Variants in P2RY12 observed in about 807,000 individuals in gnomAD.
P2RY12 encodes purinergic receptor P2Y12.
In P2RY12, 3 loss-of-function variants were observed where a neutral mutation model predicts 4.5. That is an observed-to-expected ratio of 0.67 (90% confidence interval 0.31 to 1.74). P2RY12 has a LOEUF of 1.74. Among genes scored for constraint, P2RY12 ranks in the 40% most tolerant of loss-of-function variants. P2RY12 has a pLI of 0.09. For missense variants in P2RY12, 356 were observed against 407.8 expected (o/e 0.87, Z 1.09); for synonymous variants, 148 against 154.1 (o/e 0.96, Z 0.29).
chr3:151,347,814 T>A (rs1475337636), intron 1 of P2RY12, among the ~76,000 whole-genome samples: 1 of 152,186 alleles, frequency 6.6e-6, no homozygotes, highest in Non-Finnish European at 1.5e-5. Flanking sequence ...AAGGAAGCGA[T>A]GTTACCCCAT....
Position 151,338,125 on chromosome 3 carries a change from T to C in P2RY12, c.721A>G (p.Ile241Val). The C allele has an allele frequency of 6.2e-7, 1 of 1,614,064 alleles. No homozygotes were observed. Among genetic ancestry groups the C allele is most frequent in the South Asian group, 1.1e-5 (1 of 91,082 alleles). Reference sequence around the variant, plus strand: ...AAACAAATAAAGAATACAGCAATGATAATGAAAACTTTGACGTTCACCTTT... The same window carrying C: ...AAACAAATAAAGAATACAGCAATGACAATGAAAACTTTGACGTTCACCTTT... ...RKKVNVKVFI[I>V]IAVFFICFVP... Residue 241 changes from isoleucine to valine, a missense_variant, in exon 3 of 3, where the codon ATC becomes GTC. Ile to Val is a conservative substitution (Grantham distance 29). Coordinates refer to ENST00000302632, the MANE Select transcript of P2RY12 (RefSeq NM_022788.5).
chr3:151,375,461 C>T (rs1756715886), intron 1 of P2RY12, among the ~76,000 whole-genome samples: 1 of 152,076 alleles, frequency 6.6e-6, no homozygotes, highest in South Asian at 2.1e-4. Context: ...GCATCTATAG[C>T]CCCCCACTCA....
intron 1 of P2RY12, among the ~76,000 whole-genome samples, chr3:151,354,759 C>T (rs1053136315): frequency 1.3e-5 from 2 of 152,132 alleles, no homozygotes; most frequent in Non-Finnish European, 2.9e-5. Flanking sequence ...AAAATTACCT[C>T]AGCAACATGA....
intron 1 of P2RY12, chr3:151,378,139 T>G (rs1278701395): frequency 6.2e-7 from 1 of 1,609,912 alleles, no homozygotes. Context: ...GGGTTCTTCT[T>G]CCAAAAAGGA....
In P2RY12 at chr3:151,337,969, G is replaced by A. The variant is rs755407151; in HGVS notation, c.877C>T (p.Leu293=). The part of the protein sequence containing the change: ...TLWLTSLNAC[L]DPFIYFFLCK... ...AGGAAAAAATAGATGAACGGATCCA[G>A]GCATGCATTTAAGGAAGTTAACCAC... Residue 293 remains leucine, a synonymous_variant, in exon 3 of 3, where the codon CTG becomes TTG. Transcript: ENST00000302632. 6.2e-7 allele frequency: 1 copy of A among 1,614,084 alleles called. No individual in the cohort carries two copies. Among genetic ancestry groups the A allele is most frequent in the Non-Finnish European group, 8.5e-7 (1 of 1,180,010 alleles).
intron 1 of P2RY12, among the ~76,000 whole-genome samples, chr3:151,371,944 T>C (rs1426352435): frequency 6.6e-6 from 1 of 152,200 alleles, no homozygotes; most frequent in Non-Finnish European, 1.5e-5. Context: ...TACTAAAGAT[T>C]TATCAGGTAA....
At chr3:151,362,168 A>G (rs1315953244) in intron 1 of P2RY12, among the ~76,000 whole-genome samples, 1 of 151,952 alleles carries the variant, frequency 6.6e-6, no homozygotes, top group East Asian at 1.9e-4. Flanking sequence ...GGACCATTGC[A>G]GAGTTCTTCT....
At chr3:151,383,268 T>G (rs942974222) in intron 1 of P2RY12, among the ~76,000 whole-genome samples, 1 of 152,206 alleles carries the variant, frequency 6.6e-6, no homozygotes, top group African/African-American at 2.4e-5. Flanking sequence ...GCCTGATACT[T>G]TTGCAGTTGT....
intron 1 of P2RY12, among the ~76,000 whole-genome samples, chr3:151,374,491 T>G (rs1011369958): frequency 6.6e-6 from 1 of 152,150 alleles, no homozygotes; most frequent in Non-Finnish European, 1.5e-5. Flanking sequence ...GAGGTTGCAG[T>G]GAGCCGAGAT....
rs1353598122 is a variant in P2RY12 at position 151,354,206 on chromosome 3, ACTTTTC to A, written c.-179-13452_-179-13447del. Among the ~76,000 whole-genome samples, 8 of 151,344 alleles carry A rather than the reference ACTTTTC, an allele frequency of 5.3e-5. No individual in the cohort carries two copies. The East Asian group carries it at 1.6e-3, about 29-fold the overall frequency. On this transcript the variant is annotated intron_variant, in intron 1 of 2. Transcript: ENST00000302632. ...AATGACATTATCAATCATATATCCA[ACTTTTC>A]CTTTTTGTTTTTAGATTTGTCTTTG...
At chr3:151,344,305 TA>T (rs60921069) in intron 1 of P2RY12, among the ~76,000 whole-genome samples, 1 of 150,842 alleles carries the variant, frequency 6.6e-6, no homozygotes, top group Non-Finnish European at 1.5e-5. Flanking sequence ...TACTAATGAT[TA>T]AAAAAAAACC....
intron 1 of P2RY12, among the ~76,000 whole-genome samples, chr3:151,347,034 G>A (rs139012720): frequency 1.9e-3 from 288 of 152,248 alleles, no homozygotes; most frequent in Admixed American, 2.5e-3. Flanking sequence ...GAAGTCCAGT[G>A]AGATGCACAT....
intron 1 of P2RY12, among the ~76,000 whole-genome samples, chr3:151,358,900 A>G (rs979356407): frequency 6.6e-6 from 1 of 152,190 alleles, no homozygotes; most frequent in Admixed American, 6.5e-5. Flanking sequence ...TTTAGTCACA[A>G]AATAATTTTT....
chr3:151,375,527 A>G (rs1303391083), intron 1 of P2RY12, among the ~76,000 whole-genome samples: 1 of 152,172 alleles, frequency 6.6e-6, no homozygotes, highest in African/African-American at 2.4e-5. Context: ...TTATTGTATA[A>G]AAAAGAGATG....
At chr3:151,342,322 G>A (rs537904093) in intron 1 of P2RY12, among the ~76,000 whole-genome samples, 4 of 152,354 alleles carry the variant, frequency 2.6e-5, no homozygotes, top group African/African-American at 7.2e-5. Flanking sequence ...TCTGTTATCA[G>A]TGGGAATCAT....
chr3:151,378,413 C>A (rs1313266245), intron 1 of P2RY12, among the ~76,000 whole-genome samples: 1 of 152,190 alleles, frequency 6.6e-6, no homozygotes, highest in African/African-American at 2.4e-5. Context: ...CTGTTAAAAA[C>A]AGTGATTTCC....
Position 151,367,741 on chromosome 3 carries a change from C to T in P2RY12, c.-180+16951G>A, listed in dbSNP as rs138505313. The stretch of plus-strand genomic sequence containing the variant: ...CCCTGGAGGACGTCGTGCAGCATGT[C>T]GCACTTCCCTCTCTTCTAGCAGCAG... On this transcript the variant is annotated intron_variant, in intron 1 of 2. Coordinates refer to ENST00000302632, the MANE Select transcript of P2RY12 (RefSeq NM_022788.5). 1.4e-4 allele frequency: 219 copies of T among 1,610,450 alleles called. No individual in the cohort carries two copies. In the African/African-American group the frequency reaches 2.1e-3, roughly 15 times the overall value.
intron 1 of P2RY12, chr3:151,365,266 T>C: frequency 7.2e-7 from 1 of 1,386,392 alleles, no homozygotes; most frequent in Non-Finnish European, 1.0e-6. Flanking sequence ...TGGTGCTTCT[T>C]TGAAATTGAT....
intron 1 of P2RY12, chr3:151,340,992 C>T (rs1751747770): frequency 6.6e-6 from 1 of 152,108 alleles, no homozygotes; most frequent in African/African-American, 2.4e-5. Context: ...TGATTTATAA[C>T]TTCGAGTTAT....
Sources: allele counts gnomAD v4.1 joint callset (sites outside exome capture counted in the v4.1 genomes callset), GRCh38; gene constraint gnomAD v4.1.1; transcripts MANE v1.5; gene names NCBI Gene and HGNC (gene_info 2026-07-23, HGNC 2026-07-21).